The following RNF145 variants were observed in gnomAD, a reference collection of about 807,000 sequenced individuals.
RNF145 encodes the protein ring finger protein 145.
In RNF145, 12 loss-of-function variants were observed where a neutral mutation model predicts 57.3. The ratio of observed to expected loss-of-function variants is 0.21; its 90% CI spans 0.13 to 0.34. The LOEUF is 0.34. Ranked by LOEUF, RNF145 falls within the 10% of genes least tolerant of loss-of-function variation. The pLI is 1.00. For missense variants in RNF145, 429 were observed against 799.0 expected (o/e 0.54, Z 5.58); for synonymous variants, 262 against 288.3 (o/e 0.91, Z 0.92).
In RNF145 at chr5:159,194,703, GT is replaced by G. The variant is rs769545016; in HGVS notation, c.293+12del. 1 of 1,466,356 alleles carries G rather than the reference GT, an allele frequency of 6.8e-7. No homozygotes were observed. Among genetic ancestry groups the G allele is most frequent in the East Asian group, 2.3e-5 (1 of 44,176 alleles). The allele number at this position is 1,466,356 out of a possible 1,614,324, so 90.8% of individuals were successfully genotyped here. A position where few individuals can be genotyped will look rare whatever the true frequency, so the allele number is the denominator to read the frequency against. On this transcript the variant is annotated intron_variant, in intron 3 of 10. Transcript: ENST00000424310. ...TTCAATCATACATTTCAAAAATGGG[GT>G]CATATTCTTACCTGGAAATTTGATG...
At chr5:159,200,578 T>C (rs1261274419) in intron 2 of RNF145, among the ~76,000 whole-genome samples, 2 of 152,084 alleles carry the variant, frequency 1.3e-5, no homozygotes, top group Admixed American at 6.5e-5. Context: ...AATAGTAAGA[T>C]AAAATACAAC....
upstream of RNF145, chr5:159,209,662 C>G (rs1786045560): frequency 3.4e-5 from 32 of 952,216 alleles, no homozygotes; most frequent in Non-Finnish European, 4.2e-5. Context: ...CCGCGGAGTG[C>G]TTTCCGCACC....
intron 1 of RNF145, among the ~76,000 whole-genome samples, chr5:159,208,634 C>T (rs1785987985): frequency 6.6e-6 from 1 of 152,042 alleles, no homozygotes; most frequent in Non-Finnish European, 1.5e-5. Context: ...CCTCGCACCA[C>T]CTGAAAGCGG....
intron 2 of RNF145, among the ~76,000 whole-genome samples, chr5:159,202,289 C>G (rs1785696299): frequency 6.6e-6 from 1 of 152,088 alleles, no homozygotes; most frequent in African/African-American, 2.4e-5. Context: ...AGCCAAGTAC[C>G]CAGTTGTTCT....
intron 8 of RNF145, among the ~76,000 whole-genome samples, chr5:159,164,978 C>T (rs1221551917): frequency 6.6e-6 from 1 of 152,216 alleles, no homozygotes; most frequent in Non-Finnish European, 1.5e-5. Flanking sequence ...TTAGTATCAT[C>T]TCTTAATTGT....
chr5:159,207,659 G>T (rs960934573), intron 1 of RNF145: 2 of 1,611,610 alleles, frequency 1.2e-6, no homozygotes, highest in African/African-American at 2.7e-5. Context: ...GAGATACCAG[G>T]AAAGAGAACG....
chr5:159,172,213 G>A (rs891871148), intron 6 of RNF145, among the ~76,000 whole-genome samples: 2 of 152,068 alleles, frequency 1.3e-5, no homozygotes, highest in Non-Finnish European at 2.9e-5. Flanking sequence ...TCTTCAGGCC[G>A]GGCGTGGTGG....
intron 4 of RNF145, among the ~76,000 whole-genome samples, chr5:159,180,038 T>C (rs1289069755): frequency 6.6e-6 from 1 of 151,998 alleles, no homozygotes; most frequent in Admixed American, 6.6e-5. Flanking sequence ...CTGGCTTCTT[T>C]CTCTTTTTTG....
chr5:159,184,686 C>T (rs1057188257), intron 3 of RNF145, among the ~76,000 whole-genome samples: 1 of 152,020 alleles, frequency 6.6e-6, no homozygotes, highest in African/African-American at 2.4e-5. Flanking sequence ...CTGCCTTTTA[C>T]TTTTTTATCT....
At chr5:159,185,022 T>G (rs1044627236) in intron 3 of RNF145, among the ~76,000 whole-genome samples, 1 of 152,166 alleles carries the variant, frequency 6.6e-6, no homozygotes, top group Non-Finnish European at 1.5e-5. Context: ...GATCCCAGGA[T>G]TAGCTCTCCA....
intron 3 of RNF145, among the ~76,000 whole-genome samples, chr5:159,193,964 T>C (rs913785578): frequency 2.6e-5 from 4 of 152,244 alleles, no homozygotes; most frequent in African/African-American, 9.6e-5. Flanking sequence ...CACTACTTCA[T>C]AGTGTAACTT....
At chr5:159,207,834 A>T (rs756589891) in intron 1 of RNF145, 1 of 1,614,166 alleles carries the variant, frequency 6.2e-7, no homozygotes, top group Non-Finnish European at 8.5e-7. Context: ...TCTACTCTGA[A>T]TACAAAGGCC....
At chr5:159,190,137 G>C (rs1325189351) in intron 3 of RNF145, among the ~76,000 whole-genome samples, 2 of 152,116 alleles carry the variant, frequency 1.3e-5, no homozygotes, top group Non-Finnish European at 2.9e-5. Context: ...CAACCTCCCA[G>C]GCTCAATCGA....
At position 159,194,698 on chromosome 5, in the gene RNF145, A is replaced by C. The variant is rs755950359; in HGVS notation, c.293+18T>G. On this transcript the variant is annotated intron_variant, in intron 3 of 10. Coordinates refer to ENST00000424310, the MANE Select transcript of RNF145 (RefSeq NM_001199383.2). Reference sequence around the variant, plus strand: ...TTAAATTCAATCATACATTTCAAAAATGGGGTCATATTCTTACCTGGAAAT... The same window carrying C: ...TTAAATTCAATCATACATTTCAAAACTGGGGTCATATTCTTACCTGGAAAT... 2.1e-5 allele frequency: 29 copies of C among 1,399,536 alleles called. No individual in the cohort carries two copies. The highest frequency in any genetic ancestry group is 2.6e-5 in the Non-Finnish European group (26 of 994,154). The allele number at this position is 1,399,536 out of a possible 1,614,324, so 86.7% of individuals were successfully genotyped here.
intron 3 of RNF145, 74 bp downstream of exon 3, chr5:159,194,642 A>G (rs1402131522): frequency 6.2e-6 from 6 of 964,718 alleles, no homozygotes; most frequent in Non-Finnish European, 9.9e-6. Context: ...AACAGTGTTC[A>G]TGAAAAGTAT....
intron 4 of RNF145, among the ~76,000 whole-genome samples, chr5:159,177,874 C>T (rs1215839545): frequency 6.6e-6 from 1 of 151,938 alleles, no homozygotes; most frequent in Non-Finnish European, 1.5e-5. Flanking sequence ...CAGCACTGAA[C>T]ATTATCAATA....
chr5:159,208,500 C>T (rs1332230738), intron 1 of RNF145, among the ~76,000 whole-genome samples: 1 of 152,008 alleles, frequency 6.6e-6, no homozygotes, highest in Non-Finnish European at 1.5e-5. Context: ...ACAGAGGAAA[C>T]CACGGGGACA....
In RNF145 at chr5:159,161,539, G is replaced by A; in HGVS notation, c.1353C>T (p.Ile451=). Residue 451 remains isoleucine, a synonymous_variant, in exon 10 of 11, where the codon ATC becomes ATT. Transcript: ENST00000424310. ...GGCGGTAAGTGCCATTCACATAGTAGATGACATCATCCATGTTTTCCACTG... is the reference window on the plus strand; with the variant it reads ...GGCGGTAAGTGCCATTCACATAGTAAATGACATCATCCATGTTTTCCACTG... ...KEPVENMDDV[I]YYVNGTYRLL... is the part of the protein sequence containing the mutation. The A allele has an allele frequency of 6.2e-7, 1 of 1,613,680 alleles. No individual in the cohort carries two copies. The highest frequency in any genetic ancestry group is 1.3e-5 in the African/African-American group (1 of 74,950).
chr5:159,202,448 T>C (rs1179603759), intron 2 of RNF145, among the ~76,000 whole-genome samples: 5 of 152,208 alleles, frequency 3.3e-5, no homozygotes, highest in African/African-American at 7.2e-5. Flanking sequence ...ATGAGTTTAC[T>C]GAACCGAAAC....
Sources: gnomAD v4.1 joint callset for allele counts (sites outside exome capture counted in the v4.1 genomes callset) on GRCh38, gnomAD v4.1.1 for gene constraint, MANE v1.5 for transcripts, NCBI Gene and HGNC (gene_info 2026-07-23, HGNC 2026-07-21) for gene names.